MED13L: variants seen among roughly 807,000 people sequenced by gnomAD.
MED13L encodes mediator of RNA polymerase II transcription subunit 13-like.
In MED13L, 7 loss-of-function variants were observed where a neutral mutation model predicts 220.9. That is an observed-to-expected ratio of 0.03 (90% CI 0.02 to 0.06). The LOEUF is 0.06. Ranked by LOEUF, MED13L falls within the 10% of genes least tolerant of loss-of-function variation. The pLI is 1.00. For missense variants in MED13L, 1,965 were observed against 2,760.5 expected, an observed-to-expected ratio of 0.71 and a Z score of 6.46; for synonymous variants, 1,011 against 1,015.2, an observed-to-expected ratio of 1.00 and a Z score of 0.08.
At chr12:116,198,652 T>C (rs915583372) in intron 2 of MED13L, among the ~76,000 whole-genome samples, 2 of 152,186 alleles carry the variant, frequency 1.3e-5, no homozygotes, top group Non-Finnish European at 2.9e-5. Context: ...TTAACAGTTT[T>C]ATAATTACAT....
intron 14 of MED13L, among the ~76,000 whole-genome samples, chr12:116,000,232 C>G (rs1878653737): frequency 6.6e-6 from 1 of 152,140 alleles, no homozygotes; most frequent in African/African-American, 2.4e-5. Context: ...GTGGGTAAAG[C>G]AGAAAGAACA....
chr12:116,168,985 G>A (rs1355527660), intron 2 of MED13L: 1 of 152,178 alleles, frequency 6.6e-6, no homozygotes, highest in African/African-American at 2.4e-5. Context: ...CTACTGCAGG[G>A]GTGTGAAGGA....
chr12:115,994,656 AAG>A (rs1878283314), intron 16 of MED13L, among the ~76,000 whole-genome samples: 1 of 152,200 alleles, frequency 6.6e-6, no homozygotes, highest in Non-Finnish European at 1.5e-5. Flanking sequence ...GTATGTATGA[AAG>A]AGATTAAACT....
rs765149017 is a variant in MED13L at position 115,980,840 on chromosome 12, G to C, written c.5274C>G (p.Cys1758Trp). The C allele has an allele frequency of 3.1e-6, 5 of 1,608,074 alleles. No homozygotes were observed. The highest frequency in any genetic ancestry group is 4.2e-6 in the Non-Finnish European group (5 of 1,177,432). ...GGATCTGTGTAGGCAGTGGTCGCCT[G>C]CACTGGCAGTACACTGAAAATGCCA... ...KSMAFSVYCQ[C>W]RRPLPTQIHI... is the part of the protein sequence containing the mutation. The change falls in exon 23 of 31, where the codon TGC becomes TGG. Residue 1758 changes from cysteine to tryptophan, a missense_variant. Cys to Trp is a radical substitution (Grantham distance 215). Coordinates refer to ENST00000281928, the MANE Select transcript of MED13L (RefSeq NM_015335.5).
At chr12:116,120,934 C>A (rs187658054) in intron 2 of MED13L, among the ~76,000 whole-genome samples, 1 of 151,980 alleles carries the variant, frequency 6.6e-6, no homozygotes, top group Admixed American at 6.6e-5. Flanking sequence ...AAATGAGTGA[C>A]AACAGTCAAT....
At chr12:116,238,699 A>T (rs746599873) in intron 1 of MED13L, among the ~76,000 whole-genome samples, 26 of 152,190 alleles carry the variant, frequency 1.7e-4, no homozygotes, top group Non-Finnish European at 3.7e-4. Context: ...CATATCTTCT[A>T]CTAACATAAT....
chr12:116,019,657 A>T (rs879515718), intron 6 of MED13L, 121 bp downstream of exon 6: 42 of 1,263,560 alleles, frequency 3.3e-5, no homozygotes, highest in South Asian at 1.6e-4. Flanking sequence ...CCATTGTGTC[A>T]AGAGAATTTC....
At chr12:116,212,304 T>C (rs1882745644) in intron 2 of MED13L, among the ~76,000 whole-genome samples, 2 of 152,028 alleles carry the variant, frequency 1.3e-5, no homozygotes, top group Admixed American at 1.3e-4. Flanking sequence ...TGAGATTAAG[T>C]TGTTAACTAT....
intron 1 of MED13L, among the ~76,000 whole-genome samples, chr12:116,269,954 C>T (rs1361043189): frequency 7.0e-6 from 1 of 143,652 alleles, no homozygotes; most frequent in East Asian, 2.0e-4. Flanking sequence ...AGGCAGTTTT[C>T]TTTTTTTTTT....
chr12:115,981,074 A>T (rs1460963852), intron 22 of MED13L, 136 bp from the exon 23 acceptor site: 1 of 699,210 alleles, frequency 1.4e-6, no homozygotes, highest in Non-Finnish European at 2.5e-6. Flanking sequence ...CAGCCTTAAA[A>T]TATATCTGTG....
intron 2 of MED13L, among the ~76,000 whole-genome samples, chr12:116,136,354 C>T (rs1025955720): frequency 3.3e-5 from 5 of 152,126 alleles, no homozygotes; most frequent in African/African-American, 4.8e-5. Flanking sequence ...CTTATTTGTG[C>T]TCATCAGAAT....
intron 2 of MED13L, among the ~76,000 whole-genome samples, chr12:116,155,406 G>C (rs902141321): frequency 1.3e-5 from 2 of 152,150 alleles, no homozygotes; most frequent in South Asian, 2.1e-4. Context: ...CTGAGTGACA[G>C]AGCAAGACTC....
chr12:116,102,851 A>T (rs935148640), intron 3 of MED13L, among the ~76,000 whole-genome samples: 6 of 149,950 alleles, frequency 4.0e-5, no homozygotes, highest in African/African-American at 1.5e-4. Context: ...CCTCCTGAGT[A>T]GCCGGGATTA....
intron 3 of MED13L, among the ~76,000 whole-genome samples, chr12:116,106,664 G>T (rs1162704862): frequency 6.6e-6 from 1 of 152,088 alleles, no homozygotes; most frequent in East Asian, 1.9e-4. Context: ...GGCCAACATG[G>T]TGATACCCCA....
At chr12:116,053,455 GATAAT>G (rs1481256252) in intron 4 of MED13L, among the ~76,000 whole-genome samples, 2 of 152,194 alleles carry the variant, frequency 1.3e-5, no homozygotes, top group Non-Finnish European at 2.9e-5. Flanking sequence ...TTAGGATTCG[GATAAT>G]ATGAGACTGG....
chr12:116,192,450 T>C (rs1262233992), intron 2 of MED13L, among the ~76,000 whole-genome samples: 8 of 152,208 alleles, frequency 5.3e-5, no homozygotes, highest in Non-Finnish European at 1.2e-4. Flanking sequence ...TAAAATCTCA[T>C]TTAAACACAT....
chr12:116,149,191 A>G (rs1291303497), intron 2 of MED13L, among the ~76,000 whole-genome samples: 1 of 152,164 alleles, frequency 6.6e-6, no homozygotes, highest in Non-Finnish European at 1.5e-5. Context: ...CAAGTAGACT[A>G]ACTTCCCTCT....
chr12:116,142,818 T>A (rs1877194395), intron 2 of MED13L, among the ~76,000 whole-genome samples: 1 of 152,236 alleles, frequency 6.6e-6, no homozygotes, highest in Admixed American at 6.5e-5. Flanking sequence ...CAATGTTAAG[T>A]CAAATTTATT....
At chr12:116,264,295 T>G (rs1872688711) in intron 1 of MED13L, among the ~76,000 whole-genome samples, 1 of 152,210 alleles carries the variant, frequency 6.6e-6, no homozygotes, top group Non-Finnish European at 1.5e-5. Context: ...CAAGGGGGCC[T>G]ACTTTGAACA....
Sources: gnomAD v4.1 joint callset for allele counts (sites outside exome capture counted in the v4.1 genomes callset) on GRCh38, gnomAD v4.1.1 for gene constraint, MANE v1.5 for transcripts, NCBI Gene and HGNC (gene_info 2026-07-23, HGNC 2026-07-21) for gene names.